DCTN4: variants seen among roughly 807,000 people sequenced by gnomAD.
DCTN4 encodes dynactin subunit 4, also known as dynactin 4 (p62).
Under a neutral mutation model 62.7 loss-of-function variants are expected in DCTN4, and 23 were observed. The observed-to-expected ratio is 0.37, with a 90% CI of 0.26 to 0.52. DCTN4 has a LOEUF of 0.52. Among genes scored for constraint, DCTN4 ranks in the 20% least tolerant of loss-of-function variants. DCTN4 has a pLI of 0.92. For synonymous variants in DCTN4, 199 were observed against 202.1 expected (o/e 0.98, Z 0.13); for missense variants, 514 against 580.4 (o/e 0.89, Z 1.18).
chr5:150,725,633 T>C (rs1051362100), intron 8 of DCTN4, among the ~76,000 whole-genome samples: 10 of 152,322 alleles, frequency 6.6e-5, no homozygotes, highest in African/African-American at 2.4e-4. Flanking sequence ...TAATATATAC[T>C]GTATAGCTAA....
Position 150,711,053 on chromosome 5 carries a change from C to G in DCTN4, c.*96G>C. Reference sequence around the variant, plus strand: ...AGAATTCCGTAGTGCATGGGTACATCGTTATAAACAAGGCCTAATGAAGCA... The same window carrying G: ...AGAATTCCGTAGTGCATGGGTACATGGTTATAAACAAGGCCTAATGAAGCA... On this transcript the variant is annotated 3_prime_UTR_variant, in exon 13 of 13. Coordinates refer to ENST00000447998, the MANE Select transcript of DCTN4 (RefSeq NM_016221.4). 1 of 1,184,246 alleles carries G rather than the reference C, an allele frequency of 8.4e-7. No homozygotes were observed. 73.4% of individuals were successfully genotyped at this position (1,184,246 alleles called of 1,614,324 possible). A position where few individuals can be genotyped will look rare whatever the true frequency, so the allele number is the denominator to read the frequency against.
At position 150,731,470 on chromosome 5, in the gene DCTN4, G is replaced by T; in HGVS notation, c.557C>A (p.Thr186Asn). 6.2e-7 allele frequency: 1 copy of T among 1,613,632 alleles called. No individual in the cohort carries two copies. Among genetic ancestry groups the T allele is most frequent in the Non-Finnish European group, 8.5e-7 (1 of 1,179,972 alleles). ...ACCAGCTCGTGGTCGCTGAAGCCTG[G>T]TTCCAAGACCATATTTGTCCTAAAC... The part of the protein sequence containing the change: ...LAFSDKYGLG[T>N]RLQRPRAGAS... The change falls in exon 6 of 13, where the codon ACC becomes AAC. Residue 186 changes from threonine (T) to asparagine (N), a missense_variant. By Grantham distance (65) the Thr-to-Asn change is moderately conservative (BLOSUM62 0). Coordinates refer to ENST00000447998, the MANE Select transcript of DCTN4 (RefSeq NM_016221.4).
intron 7 of DCTN4, 65 bp downstream of exon 7, chr5:150,730,979 A>C (rs1760339925): frequency 2.0e-6 from 2 of 1,005,076 alleles, no homozygotes; most frequent in African/African-American, 3.2e-5. Context: ...ATCACTAGGT[A>C]CATAAATAAC....
In DCTN4 at chr5:150,758,848, G is replaced by A. The variant is rs1456937081; in HGVS notation, c.135+11C>T. 3.1e-6 allele frequency: 5 copies of A among 1,613,586 alleles called. No homozygotes were observed. The highest frequency in any genetic ancestry group is 4.2e-6 in the Non-Finnish European group (5 of 1,179,828). ...CCACCCCACATACTCGCTATAGGGC[G>A]ACTCTGTTACCTCGTGAGACACACA... On this transcript the variant is annotated intron_variant, in intron 1 of 12. Coordinates refer to ENST00000447998, the MANE Select transcript of DCTN4 (RefSeq NM_016221.4).
intron 2 of DCTN4, chr5:150,755,636 C>T (rs1429161134): frequency 4.4e-6 from 2 of 453,230 alleles, no homozygotes; most frequent in Admixed American, 4.8e-5. Flanking sequence ...ACCAGTACTC[C>T]TCAATACTTT....
intron 4 of DCTN4, among the ~76,000 whole-genome samples, chr5:150,740,091 G>A (rs1007818538): frequency 6.6e-6 from 1 of 152,068 alleles, no homozygotes; most frequent in Non-Finnish European, 1.5e-5. Context: ...AAACTAAAAA[G>A]CTTCTGCACA....
chr5:150,729,041 G>GTTTTTTTTTTTTTTTTTTT (rs1561696053), intron 8 of DCTN4, among the ~76,000 whole-genome samples: 1 of 79,152 alleles, frequency 1.3e-5, no homozygotes, highest in African/African-American at 9.4e-5. Flanking sequence ...CACCACACTG[G>GTTTTTTTTTTTTTTTTTTT]CTTTTTTTTT....
chr5:150,748,423 C>T (rs545801940), intron 3 of DCTN4, among the ~76,000 whole-genome samples: 3 of 152,230 alleles, frequency 2.0e-5, no homozygotes, highest in Admixed American at 2.0e-4. Flanking sequence ...TTGACCCAGC[C>T]ATCCCATTAC....
intron 3 of DCTN4, among the ~76,000 whole-genome samples, chr5:150,753,208 T>C (rs1752740356): frequency 1.3e-5 from 2 of 152,234 alleles, no homozygotes; most frequent in African/African-American, 2.4e-5. Flanking sequence ...TGAATGTTTA[T>C]TTTTCATGAA....
intron 3 of DCTN4, among the ~76,000 whole-genome samples, chr5:150,747,998 C>A (rs1752522180): frequency 6.9e-6 from 1 of 145,740 alleles, no homozygotes; most frequent in Non-Finnish European, 1.5e-5. Context: ...TCAGAGTGAA[C>A]AGGCAACCTA....
intron 3 of DCTN4, among the ~76,000 whole-genome samples, chr5:150,748,724 G>A (rs370772496): frequency 6.8e-6 from 1 of 146,340 alleles, no homozygotes; most frequent in African/African-American, 2.5e-5. Context: ...ACTCATAGAT[G>A]GGAATTGAAC....
intron 2 of DCTN4, 93 bp downstream of exon 2, chr5:150,756,324 C>G: frequency 1.2e-6 from 1 of 845,782 alleles, no homozygotes; most frequent in Non-Finnish European, 1.8e-6. Context: ...CAGGCGTGAG[C>G]CACCATGCCT....
At chr5:150,735,681 C>T (rs888840936) in intron 4 of DCTN4, among the ~76,000 whole-genome samples, 6 of 152,174 alleles carry the variant, frequency 3.9e-5, no homozygotes, top group Non-Finnish European at 5.9e-5. Context: ...CCAGATCTTT[C>T]CTCTGACATA....
rs757241542 is a variant in DCTN4 at position 150,742,548 on chromosome 5, G to A, written c.386-391C>T. ...AGGATTCAAACTCAGTCTGACTCCGGAGACTTTGCTCTTATCTGTAACACT... is the reference window on the plus strand; with the variant it reads ...AGGATTCAAACTCAGTCTGACTCCGAAGACTTTGCTCTTATCTGTAACACT... On this transcript the variant is annotated intron_variant, in intron 3 of 12. Transcript: ENST00000447998. Among the ~76,000 whole-genome samples, 54 of 152,330 alleles carry A rather than the reference G, an allele frequency of 3.5e-4. 1 individual carries two copies. The highest frequency in any genetic ancestry group is 6.2e-4 in the South Asian group (3 of 4,828).
Position 150,709,379 on chromosome 5 carries a change from T to C in DCTN4, c.*1770A>G, listed in dbSNP as rs1344106169. 6.6e-6 allele frequency: 1 copy of C among 152,382 alleles called. No individual in the cohort carries two copies. Among genetic ancestry groups the C allele is most frequent in the East Asian group, 1.9e-4 (1 of 5,344 alleles). The allele number at this position is 152,382 out of a possible 1,614,324, so 9.4% of individuals were successfully genotyped here. On this transcript the variant is annotated 3_prime_UTR_variant, in exon 13 of 13. Transcript: ENST00000447998. ...CAAACGTGTAAACATATGAAGCTAT[T>C]CTCTACTCTATGCCCATTTCCTCCA...
chr5:150,751,044 TGAAA>T (rs776744652), intron 3 of DCTN4, among the ~76,000 whole-genome samples: 60 of 152,202 alleles, frequency 3.9e-4, no homozygotes, highest in Admixed American at 2.7e-3. Context: ...AATAATTATG[TGAAA>T]GAAATGTTTC....
rs115014670 is a variant in DCTN4, at chr5:150,732,810, C to T, written c.537+558G>A. Among the ~76,000 whole-genome samples the T allele has an allele frequency of 9.6e-3, 1,464 of 152,236 alleles. 23 individuals carry two copies. The highest frequency in any genetic ancestry group is 0.033 in the African/African-American group (1,365 of 41,544). On this transcript the variant is annotated intron_variant, in intron 5 of 12. Transcript: ENST00000447998. ...AATTTCTTTCTTCTTACTAGCAGTA[C>T]GTAAACTGGTAGAGAATGACTCTCA...
intron 2 of DCTN4, among the ~76,000 whole-genome samples, chr5:150,756,008 A>C (rs1197252576): frequency 6.6e-6 from 1 of 151,886 alleles, no homozygotes; most frequent in Non-Finnish European, 1.5e-5. Context: ...AAAATGAAAA[A>C]GAGCTGGTTA....
chr5:150,727,998 C>CT (rs937790538), intron 8 of DCTN4, among the ~76,000 whole-genome samples: 4 of 152,048 alleles, frequency 2.6e-5, no homozygotes, highest in African/African-American at 9.6e-5. Context: ...AATCCTTATC[C>CT]TTTGATTTTT....
Sources: allele counts gnomAD v4.1 joint callset (sites outside exome capture counted in the v4.1 genomes callset), GRCh38; gene constraint gnomAD v4.1.1; transcripts MANE v1.5; gene names NCBI Gene and HGNC (gene_info 2026-07-23, HGNC 2026-07-21).